Variants in PPARGC1A observed in about 807,000 individuals in gnomAD.
The protein encoded by PPARGC1A is peroxisome proliferator-activated receptor gamma coactivator 1-alpha.
A neutral mutation model predicts 88.7 loss-of-function variants in PPARGC1A; 25 were observed. The ratio of observed to expected loss-of-function variants is 0.28; its 90% CI spans 0.21 to 0.39. The LOEUF is 0.39. Ranked by LOEUF, PPARGC1A falls within the 10% of genes least tolerant of loss-of-function variation. The pLI is 1.00. For missense variants in PPARGC1A, 880 were observed against 968.7 expected, an observed-to-expected ratio of 0.91 and a Z score of 1.22; for synonymous variants, 363 against 355.6, an observed-to-expected ratio of 1.02 and a Z score of -0.24.
At chr4:24,317,590 A>AAAAAAAAAAC in the PPARGC1A span, among the ~76,000 whole-genome samples, 1 of 141,144 alleles carries the variant, frequency 7.1e-6, no homozygotes, top group Non-Finnish European at 1.5e-5. Context: ...AAAAAAAAAA[A>AAAAAAAAAAC]AAAAAACACC....
At chr4:24,358,496 C>T in the PPARGC1A span, among the ~76,000 whole-genome samples, 95 of 152,314 alleles carry the variant, frequency 6.2e-4, no homozygotes, top group African/African-American at 2.2e-3. Flanking sequence ...AACCACAGTG[C>T]TCTGTATTGA....
the PPARGC1A span, among the ~76,000 whole-genome samples, chr4:24,263,295 A>G: frequency 6.6e-6 from 1 of 152,208 alleles, no homozygotes; most frequent in Non-Finnish European, 1.5e-5. Context: ...TGGTGATAAA[A>G]CAAAGCAGAA....
chr4:23,947,723 C>T, the PPARGC1A span, among the ~76,000 whole-genome samples: 1 of 152,212 alleles, frequency 6.6e-6, no homozygotes, highest in South Asian at 2.1e-4. Flanking sequence ...AACACAAGAG[C>T]TGACATCCTC....
chr4:23,922,214 A>C, the PPARGC1A span, among the ~76,000 whole-genome samples: 1 of 152,162 alleles, frequency 6.6e-6, no homozygotes, highest in African/African-American at 2.4e-5. Flanking sequence ...GGTGCTTGGC[A>C]CTCAAAGAGA....
chr4:24,167,988 C>G, the PPARGC1A span, among the ~76,000 whole-genome samples: 4 of 152,126 alleles, frequency 2.6e-5, no homozygotes, highest in East Asian at 1.9e-4. Flanking sequence ...AACTCCTGCT[C>G]AAGCAGTCTG....
the PPARGC1A span, among the ~76,000 whole-genome samples, chr4:24,337,180 T>C: frequency 1.3e-5 from 2 of 152,208 alleles, no homozygotes; most frequent in Middle Eastern, 6.4e-3. Context: ...TTGTCCTTTG[T>C]GAAACAGGCA....
chr4:24,376,711 C>T, the PPARGC1A span, among the ~76,000 whole-genome samples: 7 of 152,154 alleles, frequency 4.6e-5, no homozygotes, highest in Non-Finnish European at 1.0e-4. Context: ...TTATTCATTA[C>T]CTTCATTACT....
chr4:23,911,692 T>C, the PPARGC1A span, among the ~76,000 whole-genome samples: 2 of 152,128 alleles, frequency 1.3e-5, no homozygotes, highest in Admixed American at 6.5e-5. Context: ...ACTAGAGAAA[T>C]TGTGATAAGT....
chr4:23,927,495 ATC>A, the PPARGC1A span, among the ~76,000 whole-genome samples: 1 of 152,148 alleles, frequency 6.6e-6, no homozygotes, highest in Non-Finnish European at 1.5e-5. Flanking sequence ...GGGTAATTGG[ATC>A]TGTTTCACCT....
the PPARGC1A span, among the ~76,000 whole-genome samples, chr4:23,915,072 G>A: frequency 5.9e-5 from 9 of 152,160 alleles, no homozygotes; most frequent in Non-Finnish European, 1.0e-4. Flanking sequence ...AAAAGGAGGA[G>A]AGACTCCTTC....
At chr4:24,127,629 C>T in the PPARGC1A span, among the ~76,000 whole-genome samples, 1 of 151,944 alleles carries the variant, frequency 6.6e-6, no homozygotes, top group Non-Finnish European at 1.5e-5. Context: ...ATTTAACCCC[C>T]TAAGTTCCAT....
chr4:24,439,748 C>T, the PPARGC1A span, among the ~76,000 whole-genome samples: 2 of 152,184 alleles, frequency 1.3e-5, no homozygotes, highest in East Asian at 3.9e-4. Flanking sequence ...CTGATCTTTG[C>T]ACATCAAAAA....
the PPARGC1A span, among the ~76,000 whole-genome samples, chr4:24,370,033 C>T: frequency 7.9e-5 from 12 of 152,210 alleles, no homozygotes; most frequent in Non-Finnish European, 1.8e-4. Flanking sequence ...CTACATTAAA[C>T]TTCTAAGACT....
At chr4:24,340,334 C>T in the PPARGC1A span, among the ~76,000 whole-genome samples, 4 of 152,188 alleles carry the variant, frequency 2.6e-5, no homozygotes, top group African/African-American at 9.6e-5. Flanking sequence ...CAAAAAAGAA[C>T]GCACAACTTT....
chr4:24,472,840 A>G, the PPARGC1A span, among the ~76,000 whole-genome samples: 3 of 149,302 alleles, frequency 2.0e-5, no homozygotes, highest in Non-Finnish European at 4.5e-5. The surrounding 1 kb of genome is among the most constrained non-coding windows in gnomAD (Gnocchi z 4.5). Context: ...AGGGGAAGCG[A>G]GAGGGCGAGA....
the PPARGC1A span, among the ~76,000 whole-genome samples, chr4:24,037,806 T>C: frequency 6.6e-6 from 1 of 152,208 alleles, no homozygotes; most frequent in African/African-American, 2.4e-5. Context: ...GTATAGCTCC[T>C]TTATCCATTT....
At chr4:24,387,758 G>GAAAGAAAGAA in the PPARGC1A span, among the ~76,000 whole-genome samples, 15 of 62,348 alleles carry the variant, frequency 2.4e-4, no homozygotes, top group Non-Finnish European at 3.1e-4. Context: ...GAGAGAGAGA[G>GAAAGAAAGAA]AGAGAGAGAG....
At chr4:23,924,519 G>T in the PPARGC1A span, among the ~76,000 whole-genome samples, 1 of 152,060 alleles carries the variant, frequency 6.6e-6, no homozygotes, top group Admixed American at 6.6e-5. Flanking sequence ...CTACTTAGGA[G>T]GCTGAGGCAG....
At chr4:24,320,938 T>C in the PPARGC1A span, among the ~76,000 whole-genome samples, 1 of 152,210 alleles carries the variant, frequency 6.6e-6, no homozygotes, top group Non-Finnish European at 1.5e-5. Flanking sequence ...TAAACTATTT[T>C]GGCAGTTTCC....
Sources: allele counts gnomAD v4.1 joint callset (sites outside exome capture counted in the v4.1 genomes callset), GRCh38; gene constraint gnomAD v4.1.1; non-coding constraint Gnocchi (gnomAD v3.1); transcripts MANE v1.5; gene names NCBI Gene and HGNC (gene_info 2026-07-23, HGNC 2026-07-21).